Variants in OTUB1 observed in about 807,000 individuals in gnomAD.
OTUB1 encodes the protein ubiquitin thioesterase OTUB1.
OTUB1 carries 10 observed loss-of-function variants against 35.8 expected under a neutral mutation model. The ratio of observed to expected loss-of-function variants is 0.28; its 90% CI spans 0.17 to 0.47. The LOEUF (loss-of-function observed/expected upper bound fraction) is 0.47. Ranked by LOEUF, OTUB1 falls within the 20% of genes least tolerant of loss-of-function variation. OTUB1 has a pLI of 0.99. For synonymous variants in OTUB1, 158 were observed against 143.8 expected, an observed-to-expected ratio of 1.10 and a Z score of -0.71; for missense variants, 264 against 351.6, an observed-to-expected ratio of 0.75 and a Z score of 1.99.
At position 63,997,684 on chromosome 11, in the gene OTUB1, AAG is replaced by A. The variant is rs1491006858; in HGVS notation, c.*139_*140del. ...CATGACCCCCCCCCATGTTTTATTA[AAG>A]GGGGTGCTGGTGGTGAGCCGTGTGT... is the stretch of plus-strand genomic sequence containing the variant. On this transcript the variant is annotated 3_prime_UTR_variant, in exon 7 of 7. Transcript: ENST00000538426. 1.5e-5 allele frequency: 11 copies of A among 753,906 alleles called. No homozygotes were observed. The highest frequency in any genetic ancestry group is 2.3e-5 in the Non-Finnish European group (10 of 432,298). 46.7% of individuals were successfully genotyped at this position (753,906 alleles called of 1,614,324 possible). A position where few individuals can be genotyped will look rare whatever the true frequency, so the allele number is the denominator to read the frequency against.
At chr11:63,991,208 T>C (rs568902341) in intron 3 of OTUB1, among the ~76,000 whole-genome samples, 1 of 152,184 alleles carries the variant, frequency 6.6e-6, no homozygotes, top group African/African-American at 2.4e-5. Context: ...GGCGGGGACA[T>C]TGTCTGCCTC....
At chr11:63,989,565 A>G (rs1284689780) in intron 3 of OTUB1, 1 of 151,496 alleles carries the variant, frequency 6.6e-6, no homozygotes, top group East Asian at 1.9e-4. Context: ...CATCTGTACT[A>G]AAAATACAAA....
chr11:63,995,819 G>A (rs188454340), intron 3 of OTUB1, among the ~76,000 whole-genome samples: 2 of 152,078 alleles, frequency 1.3e-5, no homozygotes, highest in East Asian at 3.9e-4. Flanking sequence ...GGAGAGGGGA[G>A]GGTGCCCAGG....
Position 63,998,084 on chromosome 11 carries a change from G to T in OTUB1, c.*538G>T. The T allele has an allele frequency of 2.6e-6, 1 of 390,474 alleles. No individual in the cohort carries two copies. The highest frequency in any genetic ancestry group is 4.7e-6 in the Non-Finnish European group (1 of 211,560). 24.2% of individuals were successfully genotyped at this position (390,474 alleles called of 1,614,324 possible). A position where few individuals can be genotyped will look rare whatever the true frequency, so the allele number is the denominator to read the frequency against. On this transcript the variant is annotated 3_prime_UTR_variant, in exon 7 of 7. Transcript: ENST00000538426. ...TGGGTGGAGGGGCCTTTGTGAGGCT[G>T]GACCCGGCTCAGGGCAGGTGGAGGA...
intron 4 of OTUB1, 80 bp from the exon 5 acceptor site, chr11:63,996,777 C>G (rs369302414): frequency 6.2e-7 from 1 of 1,609,250 alleles, no homozygotes. Context: ...CCTTGCCAGG[C>G]GGGGCAGTGC....
Position 63,991,200 on chromosome 11 carries a change from C to T in OTUB1, c.219+2448C>T, listed in dbSNP as rs1041796061. On this transcript the variant is annotated intron_variant, in intron 3 of 6. Transcript: ENST00000538426. Reference sequence around the variant, plus strand: ...TCTTGGATCCCCTGTTCTCTCTGGGCGGGGACATTGTCTGCCTCACAGGGC... The same window carrying T: ...TCTTGGATCCCCTGTTCTCTCTGGGTGGGGACATTGTCTGCCTCACAGGGC... Among the ~76,000 whole-genome samples, 12 of 152,098 alleles carry T rather than the reference C, an allele frequency of 7.9e-5. No individual in the cohort carries two copies. The South Asian group carries it at 2.5e-3, about 32-fold the overall frequency.
At chr11:63,989,232 A>T (rs576420934) in intron 3 of OTUB1, 1 of 152,454 alleles carries the variant, frequency 6.6e-6, no homozygotes, top group South Asian at 2.0e-4. Context: ...AGGCAGGAGA[A>T]TTGCTTGAAT....
rs112841329 is a variant in OTUB1 at position 63,992,965 on chromosome 11, C to T, written c.220-3565C>T. Among the ~76,000 whole-genome samples, 392 of 152,336 alleles carry T rather than the reference C, an allele frequency of 2.6e-3. 2 individuals are homozygous for T. The highest frequency in any genetic ancestry group is 0.01 in the South Asian group (49 of 4,830). ...CCTCCCAAAGTGCTGGGATTACAGG[C>T]CTGGGCCATCACGCCAAGCCGACCC... is the stretch of plus-strand genomic sequence containing the variant. On this transcript the variant is annotated intron_variant, in intron 3 of 6. Coordinates refer to ENST00000538426, the MANE Select transcript of OTUB1 (RefSeq NM_017670.3).
Position 63,988,544 on chromosome 11 carries a change from G to A in OTUB1, c.121-110G>A, listed in dbSNP as rs1413496115. 13 of 1,241,976 alleles carry A rather than the reference G, an allele frequency of 1.0e-5. No individual in the cohort carries two copies. The East Asian group carries it at 2.6e-4, about 25-fold the overall frequency. 76.9% of individuals were successfully genotyped at this position (1,241,976 alleles called of 1,614,324 possible). A position where few individuals can be genotyped will look rare whatever the true frequency, so the allele number is the denominator to read the frequency against. ...GCTAGGTACTGGTGCTTTTCTGGGGGTCGCTGTGCCACCGGGTGACCAGCC... is the reference window on the plus strand; with the variant it reads ...GCTAGGTACTGGTGCTTTTCTGGGGATCGCTGTGCCACCGGGTGACCAGCC... On this transcript the variant is annotated intron_variant, in intron 2 of 6. Transcript: ENST00000538426.
In OTUB1 at chr11:63,996,674, G is replaced by A. The variant is rs768076610; in HGVS notation, c.338+26G>A. Reference sequence around the variant, plus strand: ...GTGAGAAGGGTGGGCACTGGGCACCGAGGCAGGTGGGTGTCTACCTCCTCC... The same window carrying A: ...GTGAGAAGGGTGGGCACTGGGCACCAAGGCAGGTGGGTGTCTACCTCCTCC... On this transcript the variant is annotated intron_variant, in intron 4 of 6. Coordinates refer to ENST00000538426, the MANE Select transcript of OTUB1 (RefSeq NM_017670.3). 69 of 1,614,166 alleles carry A rather than the reference G, an allele frequency of 4.3e-5. No homozygotes were observed. In the Middle Eastern group the frequency reaches 8.2e-4, roughly 19 times the overall value.
chr11:63,993,683 C>T (rs919621080), intron 3 of OTUB1, among the ~76,000 whole-genome samples: 15 of 148,484 alleles, frequency 1.0e-4, no homozygotes, highest in African/African-American at 3.7e-4. Flanking sequence ...AAAAAAATTG[C>T]TTGAGACTGA....
chr11:63,996,668 G>C lies in OTUB1; in HGVS notation c.338+20G>C. On this transcript the variant is annotated intron_variant, in intron 4 of 6. Transcript: ENST00000538426. ...GCAGCGGTGAGAAGGGTGGGCACTG[G>C]GCACCGAGGCAGGTGGGTGTCTACC... 4 of 1,614,188 alleles carry C rather than the reference G, an allele frequency of 2.5e-6. No individual in the cohort carries two copies. Among genetic ancestry groups the C allele is most frequent in the Non-Finnish European group, 3.4e-6 (4 of 1,180,028 alleles).
At chr11:63,987,230 G>T (rs1394345961) in intron 1 of OTUB1, among the ~76,000 whole-genome samples, 1 of 152,226 alleles carries the variant, frequency 6.6e-6, no homozygotes, top group Non-Finnish European at 1.5e-5. Flanking sequence ...AGGGTAGGTA[G>T]GTCGACGCCC....
intron 5 of OTUB1, 42 bp downstream of exon 5, chr11:63,996,983 G>A (rs1942725583): frequency 6.2e-7 from 1 of 1,612,810 alleles, no homozygotes; most frequent in Admixed American, 1.7e-5. Context: ...ATGGGGGAGG[G>A]GTTCACCTGG....
At chr11:63,996,200 C>T (rs1440003034) in intron 3 of OTUB1, among the ~76,000 whole-genome samples, 1 of 152,190 alleles carries the variant, frequency 6.6e-6, no homozygotes, top group East Asian at 1.9e-4. Context: ...CTGAAGTTCT[C>T]TTGGGCTGAA....
At chr11:63,991,955 C>T (rs940301565) in intron 3 of OTUB1, among the ~76,000 whole-genome samples, 2 of 152,032 alleles carry the variant, frequency 1.3e-5, no homozygotes, top group African/African-American at 2.4e-5. Flanking sequence ...TGGTGGCTCA[C>T]GCCTGTAATC....
chr11:63,986,630 G>C, intron 1 of OTUB1, 116 bp downstream of exon 1: 3 of 834,684 alleles, frequency 3.6e-6, no homozygotes. Context: ...GTGCGCGAGG[G>C]GTCCCTTCCT....
intron 3 of OTUB1, among the ~76,000 whole-genome samples, chr11:63,993,030 G>A (rs1942686479): frequency 6.6e-6 from 1 of 152,258 alleles, no homozygotes; most frequent in South Asian, 2.1e-4. Context: ...ACTCCAGAGG[G>A]TGAAGGGGAG....
chr11:63,995,284 C>T (rs1942706584), intron 3 of OTUB1, among the ~76,000 whole-genome samples: 1 of 152,130 alleles, frequency 6.6e-6, no homozygotes, highest in African/African-American at 2.4e-5. Context: ...GCAACCTCTG[C>T]TTCCCGGGTT....
Sources: allele counts gnomAD v4.1 joint callset (sites outside exome capture counted in the v4.1 genomes callset), GRCh38; gene constraint gnomAD v4.1.1; transcripts MANE v1.5; gene names NCBI Gene and HGNC (gene_info 2026-07-23, HGNC 2026-07-21).